The following ZNF549 variants were observed in gnomAD, a reference collection of about 807,000 sequenced individuals.
The protein encoded by ZNF549 is zinc finger protein 549.
Under a neutral mutation model 11.1 loss-of-function variants are expected in ZNF549, and 11 were observed. The ratio of observed to expected loss-of-function variants is 0.99; its 90% CI spans 0.62 to 1.64. ZNF549 has a LOEUF of 1.64. Ranked by LOEUF, ZNF549 falls within the 40% of genes most tolerant of loss-of-function variation. The probability of loss-of-function intolerance (pLI) is 0.00; values close to 1 mark genes in which losing one functional copy is unlikely to be tolerated. For synonymous variants in ZNF549, 266 were observed against 269.1 expected, an observed-to-expected ratio of 0.99 and a Z score of 0.11; for missense variants, 748 against 765.1, an observed-to-expected ratio of 0.98 and a Z score of 0.26.
At chr19:57,530,480 AT>A (rs1237031026) in intron 1 of ZNF549, among the ~76,000 whole-genome samples, 1 of 152,180 alleles carries the variant, frequency 6.6e-6, no homozygotes, top group African/African-American at 2.4e-5. Context: ...GTTCTAGCAA[AT>A]TATTGAACGT....
intron 2 of ZNF549, 147 bp downstream of exon 2, chr19:57,531,255 C>T: frequency 1.3e-6 from 1 of 759,172 alleles, no homozygotes; most frequent in East Asian, 2.6e-5. Flanking sequence ...GATGATTAAT[C>T]AGGGTCAGGA....
In ZNF549 at chr19:57,537,989, GAA is replaced by G. The variant is rs1475614187; in HGVS notation, c.988_989del (p.Lys330AlafsTer45). On this transcript the variant is annotated frameshift_variant, in exon 4 of 4. Coordinates refer to ENST00000376233, the MANE Select transcript of ZNF549 (RefSeq NM_001199295.2). LOFTEE classifies it low-confidence loss of function (END_TRUNC). ...LVEHQRTHNG[E>X]KPYVCNVCGK... is the part of the protein sequence containing the mutation. ...GGAACACCAGAGAACCCATAATGGA[GAA>G]AAGCCTTATGTGTGCAATGTATGTG... The G allele has an allele frequency of 6.2e-7, 1 of 1,614,216 alleles. No homozygotes were observed. Among genetic ancestry groups the G allele is most frequent in the East Asian group, 2.2e-5 (1 of 44,878 alleles).
rs1030616815 is a variant in ZNF549 at position 57,539,188 on chromosome 19, C to G, written c.*261C>G. 9.7e-6 allele frequency: 4 copies of G among 412,740 alleles called. No homozygotes were observed. Among genetic ancestry groups the G allele is most frequent in the African/African-American group, 5.9e-5 (3 of 50,704 alleles). 25.6% of individuals were successfully genotyped at this position (412,740 alleles called of 1,614,324 possible). A position where few individuals can be genotyped will look rare whatever the true frequency, so the allele number is the denominator to read the frequency against. On this transcript the variant is annotated 3_prime_UTR_variant, in exon 4 of 4. Coordinates refer to ENST00000376233, the MANE Select transcript of ZNF549 (RefSeq NM_001199295.2). ...TCACATGTGCTCAAGGAATGCAGAC[C>G]ACTGTGCTTACCAAATTCTGAAGGG...
rs2089943328 is a variant in ZNF549 at position 57,539,108 on chromosome 19, C to T, written c.*181C>T. The T allele has an allele frequency of 1.5e-6, 1 of 665,018 alleles. No individual in the cohort carries two copies. The highest frequency in any genetic ancestry group is 2.0e-5 in the South Asian group (1 of 49,102). The allele number at this position is 665,018 out of a possible 1,614,324, so 41.2% of individuals were successfully genotyped here. On this transcript the variant is annotated 3_prime_UTR_variant, in exon 4 of 4. Coordinates refer to ENST00000376233, the MANE Select transcript of ZNF549 (RefSeq NM_001199295.2). ...GATTACTTGTACTTTCTAATCTGCC[C>T]AGTGTTACAACAGACACTACCATGT...
intron 3 of ZNF549, among the ~76,000 whole-genome samples, chr19:57,536,448 T>C (rs1310382920): frequency 6.6e-6 from 1 of 152,196 alleles, no homozygotes; most frequent in East Asian, 1.9e-4. Context: ...TGGTTTCTAC[T>C]GAATGTGTCA....
At chr19:57,535,743 C>T (rs1330116286) in intron 3 of ZNF549, among the ~76,000 whole-genome samples, 1 of 152,086 alleles carries the variant, frequency 6.6e-6, no homozygotes, top group African/African-American at 2.4e-5. Context: ...CATGGGTTGG[C>T]GCACCCTGGG....
chr19:57,538,391 C>G lies in ZNF549; in HGVS notation c.1387C>G (p.His463Asp), dbSNP rs199859856. Reference protein sequence around the residue: ...SFIRSSDYMRHQRIHTGERAY... With the variant: ...SFIRSSDYMRDQRIHTGERAY... ...TATCCGCTCGTCTGACTACATGCGA[C>G]ACCAGAGAATTCACACTGGAGAAAG... is the stretch of plus-strand genomic sequence containing the variant. Residue 463 changes from histidine to aspartate, a missense_variant, in exon 4 of 4, where the codon CAC becomes GAC. Physicochemically the swap from His to Asp is moderately conservative, Grantham distance 81. Transcript: ENST00000376233. 1 of 1,614,044 alleles carries G rather than the reference C, an allele frequency of 6.2e-7. No individual in the cohort carries two copies. Among genetic ancestry groups the G allele is most frequent in the South Asian group, 1.1e-5 (1 of 91,088 alleles).
intron 3 of ZNF549, 183 bp downstream of exon 3, chr19:57,535,453 G>A (rs1309959537): frequency 1.3e-6 from 1 of 758,514 alleles, no homozygotes; most frequent in Non-Finnish European, 2.0e-6. Context: ...AACATCTACT[G>A]TCCTGAAGCC....
chr19:57,531,499 C>T (rs992114718), intron 2 of ZNF549, among the ~76,000 whole-genome samples: 1 of 152,124 alleles, frequency 6.6e-6, no homozygotes, highest in African/African-American at 2.4e-5. Flanking sequence ...TTGTCCTTTT[C>T]GTAGATCTTA....
intron 3 of ZNF549, among the ~76,000 whole-genome samples, chr19:57,536,537 A>T (rs2089925410): frequency 6.6e-6 from 1 of 152,216 alleles, no homozygotes; most frequent in Admixed American, 6.5e-5. Flanking sequence ...GCTCTCAAAC[A>T]TCAGCTATCC....
chr19:57,537,201 T>C lies in ZNF549; in HGVS notation c.200-3T>C. On this transcript the variant is annotated splice_region_variant and splice_polypyrimidine_tract_variant and intron_variant, in intron 3 of 3. Coordinates refer to ENST00000376233, the MANE Select transcript of ZNF549 (RefSeq NM_001199295.2). Reference sequence around the variant, plus strand: ...TACTTCACTTGCATTTTTATGCTTTTAGGTTGTTTGCATGGAATAGAGGCT... The same window carrying C: ...TACTTCACTTGCATTTTTATGCTTTCAGGTTGTTTGCATGGAATAGAGGCT... 1.2e-6 allele frequency: 2 copies of C among 1,607,796 alleles called. No homozygotes were observed. Among genetic ancestry groups the C allele is most frequent in the East Asian group, 2.2e-5 (1 of 44,768 alleles).
intron 1 of ZNF549, 51 bp downstream of exon 1, chr19:57,527,657 G>T (rs745471136): frequency 1.2e-6 from 2 of 1,600,190 alleles, no homozygotes; most frequent in Non-Finnish European, 1.7e-6. Flanking sequence ...CCCCGGACTG[G>T]GGTCACCTGC....
chr19:57,529,608 C>G lies in ZNF549; in HGVS notation c.34-1462C>G, dbSNP rs115306404. 4.0e-3 allele frequency among the ~76,000 whole-genome samples: 610 copies of G among 152,266 alleles called. 3 individuals carry two copies. The highest frequency in any genetic ancestry group is 0.014 in the African/African-American group (574 of 41,542). ...ACTACTTACAATGGTGCACTGTTGG[C>G]CAGCGCAGTGGCTCACACCTGTAAT... On this transcript the variant is annotated intron_variant, in intron 1 of 3. Coordinates refer to ENST00000376233, the MANE Select transcript of ZNF549 (RefSeq NM_001199295.2).
chr19:57,539,725 GTTCATGGTATCTTATT>G lies in ZNF549; in HGVS notation c.*800_*815del. 1 of 152,164 alleles carries G rather than the reference GTTCATGGTATCTTATT, an allele frequency of 6.6e-6. No individual in the cohort carries two copies. The highest frequency in any genetic ancestry group is 1.5e-5 in the Non-Finnish European group (1 of 68,038). 9.4% of individuals were successfully genotyped at this position (152,164 alleles called of 1,614,324 possible). A position where few individuals can be genotyped will look rare whatever the true frequency, so the allele number is the denominator to read the frequency against. ...GTGATGCTTCATATTTCCCAGCACTGTTCATGGTATCTTATTTCCCAGGTCCTTCATTGTAGCCATG... is the reference window on the plus strand; with the variant it reads ...GTGATGCTTCATATTTCCCAGCACTGTCCCAGGTCCTTCATTGTAGCCATG... On this transcript the variant is annotated 3_prime_UTR_variant, in exon 4 of 4. Coordinates refer to ENST00000376233, the MANE Select transcript of ZNF549 (RefSeq NM_001199295.2).
Position 57,531,069 on chromosome 19 carries a change from G to C in ZNF549, c.34-1G>C, listed in dbSNP as rs1252675370. 1 of 1,598,304 alleles carries C rather than the reference G, an allele frequency of 6.3e-7. No homozygotes were observed. The stretch of plus-strand genomic sequence containing the variant: ...ATTTCATAGCCTCCCTCTTCCTACA[G>C]ATTCCCATGGTAACAGAAGAGTTTG... On this transcript the variant is annotated splice_acceptor_variant, in intron 1 of 3. Coordinates refer to ENST00000376233, the MANE Select transcript of ZNF549 (RefSeq NM_001199295.2). LOFTEE classifies it high-confidence loss of function.
chr19:57,532,650 A>G (rs1600163993), intron 2 of ZNF549, among the ~76,000 whole-genome samples: 1 of 152,210 alleles, frequency 6.6e-6, no homozygotes, highest in South Asian at 2.1e-4. Flanking sequence ...CAGGCCCAGA[A>G]TGTGGTCTGT....
intron 3 of ZNF549, 119 bp from the exon 4 acceptor site, chr19:57,537,085 C>A: frequency 1.7e-6 from 2 of 1,196,856 alleles, no homozygotes; most frequent in Non-Finnish European, 2.3e-6. Flanking sequence ...CAGAGCAAGA[C>A]CCTATCTCAA....
chr19:57,528,348 C>T (rs905312813), intron 1 of ZNF549, among the ~76,000 whole-genome samples: 2 of 152,084 alleles, frequency 1.3e-5, no homozygotes, highest in Non-Finnish European at 2.9e-5. Context: ...TCTAAATTGC[C>T]ACAGAGTGAA....
rs2089949252 is a variant in ZNF549, at chr19:57,540,230, A to C, written c.*1303A>C. The C allele has an allele frequency of 2.0e-5, 3 of 152,328 alleles. No homozygotes were observed. The South Asian group carries it at 6.2e-4, about 32-fold the overall frequency. The allele number at this position is 152,328 out of a possible 1,614,324, so 9.4% of individuals were successfully genotyped here. ...CACTGCTGAGAAGGCTGTCCTTCCT[A>C]ACTTGTGAGGAGATGAATCCTTAAT... is the stretch of plus-strand genomic sequence containing the variant. On this transcript the variant is annotated 3_prime_UTR_variant, in exon 4 of 4. Transcript: ENST00000376233.
Sources: gnomAD v4.1 joint callset for allele counts (sites outside exome capture counted in the v4.1 genomes callset) on GRCh38, gnomAD v4.1.1 for gene constraint, MANE v1.5 for transcripts, NCBI Gene and HGNC (gene_info 2026-07-23, HGNC 2026-07-21) for gene names.